THSD7B: variants seen among roughly 807,000 people sequenced by gnomAD.
THSD7B encodes thrombospondin type-1 domain-containing protein 7B.
THSD7B carries 138 observed loss-of-function variants against 213.6 expected under a neutral mutation model. That is an observed-to-expected ratio of 0.65 (90% CI 0.56 to 0.74). THSD7B has a LOEUF of 0.74. Ranked by LOEUF, THSD7B falls within the 30% of genes least tolerant of loss-of-function variation. THSD7B has a pLI of 0.00. For missense variants in THSD7B, 1,931 were observed against 1,991.5 expected (o/e 0.97, Z 0.58); for synonymous variants, 742 against 687.0 (o/e 1.08, Z -1.25).
At chr2:137,078,863 G>A (rs1263150225) in intron 3 of THSD7B, among the ~76,000 whole-genome samples, 1 of 151,948 alleles carries the variant, frequency 6.6e-6, no homozygotes, top group East Asian at 1.9e-4. Flanking sequence ...TTTACTCAAG[G>A]TTTGTTAAAT....
intron 1 of THSD7B, among the ~76,000 whole-genome samples, chr2:136,823,597 A>G (rs1448155988): frequency 1.3e-5 from 2 of 151,864 alleles, no homozygotes; most frequent in African/African-American, 2.4e-5. Flanking sequence ...TAAAACTTTT[A>G]CTTTTCATGA....
chr2:137,472,798 TTC>T, intron 15 of THSD7B, among the ~76,000 whole-genome samples: 1 of 152,342 alleles, frequency 6.6e-6, no homozygotes, highest in East Asian at 1.9e-4. Context: ...ACTTTTTATA[TTC>T]TGTTACTTTA....
At chr2:136,998,916 ACACACACACAC>A (rs1685948579) in intron 2 of THSD7B, among the ~76,000 whole-genome samples, 13 of 85,788 alleles carry the variant, frequency 1.5e-4, no homozygotes, top group Middle Eastern at 4.5e-3. Flanking sequence ...ACAGACACAC[ACACACACACAC>A]ACACACACAC....
chr2:137,341,828 G>A (rs562751160), intron 12 of THSD7B, among the ~76,000 whole-genome samples: 11 of 151,752 alleles, frequency 7.2e-5, no homozygotes, highest in Admixed American at 3.9e-4. Flanking sequence ...TGGTTAATGT[G>A]TCTTTCTTTT....
At chr2:137,133,871 C>T (rs1363824232) in intron 5 of THSD7B, among the ~76,000 whole-genome samples, 1 of 152,124 alleles carries the variant, frequency 6.6e-6, no homozygotes, top group Admixed American at 6.5e-5. Context: ...TTTACACTTG[C>T]AGTGCATCTC....
At chr2:137,008,512 A>G (rs999921898) in intron 2 of THSD7B, among the ~76,000 whole-genome samples, 4 of 152,170 alleles carry the variant, frequency 2.6e-5, no homozygotes, top group South Asian at 4.1e-4. Flanking sequence ...AGTGGTTGGT[A>G]TAGTACTTTA....
intron 5 of THSD7B, among the ~76,000 whole-genome samples, chr2:137,120,728 A>G (rs1235913811): frequency 1.3e-5 from 2 of 152,088 alleles, no homozygotes; most frequent in Non-Finnish European, 2.9e-5. Context: ...TCTAGTGTTA[A>G]CTCCATCTTC....
At chr2:137,042,320 T>C (rs1013374835) in intron 2 of THSD7B, among the ~76,000 whole-genome samples, 1 of 152,194 alleles carries the variant, frequency 6.6e-6, no homozygotes, top group Non-Finnish European at 1.5e-5. Flanking sequence ...CTGTAATCAT[T>C]GAGGTTAAGA....
At chr2:136,902,507 T>C (rs946667997) in intron 2 of THSD7B, among the ~76,000 whole-genome samples, 2 of 152,190 alleles carry the variant, frequency 1.3e-5, no homozygotes, top group Admixed American at 6.5e-5. Flanking sequence ...AACTGGGCCA[T>C]GCGCCCTCTG....
intron 7 of THSD7B, among the ~76,000 whole-genome samples, chr2:137,208,611 A>G (rs1681036375): frequency 6.6e-6 from 1 of 152,000 alleles, no homozygotes; most frequent in Admixed American, 6.6e-5. Context: ...TATCCCTCAA[A>G]TCAGTCTCCT....
intron 3 of THSD7B, among the ~76,000 whole-genome samples, chr2:137,091,864 A>G (rs1687954207): frequency 6.6e-6 from 1 of 152,214 alleles, no homozygotes. Flanking sequence ...TGAAAAGTCA[A>G]AACATGGAAA....
chr2:137,353,770 CA>C (rs1001636813), intron 12 of THSD7B, among the ~76,000 whole-genome samples: 20 of 152,218 alleles, frequency 1.3e-4, no homozygotes, highest in Middle Eastern at 3.4e-3. Context: ...TTCAACCACA[CA>C]AAAGCTTTCT....
intron 12 of THSD7B, among the ~76,000 whole-genome samples, chr2:137,362,640 G>C (rs1685294671): frequency 6.6e-6 from 1 of 152,218 alleles, no homozygotes; most frequent in South Asian, 2.1e-4. Flanking sequence ...AGACAAAGAA[G>C]GCCATTACAT....
intron 12 of THSD7B, among the ~76,000 whole-genome samples, chr2:137,307,425 C>G (rs1019999138): frequency 6.6e-6 from 1 of 152,038 alleles, no homozygotes; most frequent in South Asian, 2.1e-4. Flanking sequence ...GAACATGTCT[C>G]GACAACCCAG....
chr2:137,328,937 C>T (rs945036790), intron 12 of THSD7B, among the ~76,000 whole-genome samples: 1 of 152,164 alleles, frequency 6.6e-6, no homozygotes, highest in Non-Finnish European at 1.5e-5. Context: ...GTCAACTAAA[C>T]TTCCTTTATA....
chr2:136,923,910 T>C (rs1411148136), intron 2 of THSD7B, among the ~76,000 whole-genome samples: 1 of 152,218 alleles, frequency 6.6e-6, no homozygotes, highest in African/African-American at 2.4e-5. Flanking sequence ...GGTAACTTTT[T>C]CACTCTGTTG....
At chr2:137,601,121 G>GT (rs1407740232) in intron 17 of THSD7B, among the ~76,000 whole-genome samples, 3 of 152,092 alleles carry the variant, frequency 2.0e-5, no homozygotes, top group African/African-American at 7.2e-5. Context: ...AAAATTAAAA[G>GT]TTTATAAAAT....
intron 15 of THSD7B, among the ~76,000 whole-genome samples, chr2:137,495,577 A>AC (rs1679542557): frequency 2.0e-5 from 3 of 152,140 alleles, no homozygotes; most frequent in Admixed American, 2.0e-4. Context: ...AGAGTGAGTA[A>AC]GTTAGTAATT....
intron 14 of THSD7B, among the ~76,000 whole-genome samples, chr2:137,412,623 A>AAAAAAAAAAAAAAAAAAC (rs1573611118): frequency 1.6e-5 from 2 of 126,284 alleles, no homozygotes; most frequent in Admixed American, 8.3e-5. Flanking sequence ...AAAAAAAACA[A>AAAAAAAAAAAAAAAAAAC]AAAACAGTTT....
Sources: gnomAD v4.1 joint callset for allele counts (sites outside exome capture counted in the v4.1 genomes callset) on GRCh38, gnomAD v4.1.1 for gene constraint, MANE v1.5 for transcripts, NCBI Gene and HGNC (gene_info 2026-07-23, HGNC 2026-07-21) for gene names.